The following POC5 variants were observed in gnomAD, a reference collection of about 807,000 sequenced individuals.
The protein encoded by POC5 is centrosomal protein POC5.
In POC5, 48 loss-of-function variants were observed where a neutral mutation model predicts 62.9. The observed-to-expected ratio is 0.76, with a 90% CI of 0.61 to 0.97. The LOEUF is 0.97. POC5 is among the 50% of genes least tolerant of loss of function. POC5 has a pLI of 0.00. For missense variants in POC5, 696 were observed against 679.5 expected (o/e 1.02, Z -0.27); for synonymous variants, 236 against 228.2 (o/e 1.03, Z -0.31).
In POC5 at chr5:75,683,912, C is replaced by T. The variant is rs149831530; in HGVS notation, c.1407+1295G>A. 1.0e-3 allele frequency among the ~76,000 whole-genome samples: 153 copies of T among 152,274 alleles called. 1 individual carries two copies. Among genetic ancestry groups the T allele is most frequent in the African/African-American group, 3.5e-3 (145 of 41,546 alleles). ...AAAGATGAGGTCTCGCTATATTGCC[C>T]AGCCTGGTCTCAAACTTCTGGCCTC... On this transcript the variant is annotated intron_variant, in intron 10 of 11. Transcript: ENST00000428202.
intron 10 of POC5, among the ~76,000 whole-genome samples, chr5:75,682,287 T>C (rs1326616570): frequency 3.3e-5 from 5 of 152,224 alleles, no homozygotes; most frequent in Admixed American, 3.3e-4. Context: ...GGTTTACATA[T>C]AAATGCAGAT....
In POC5 at chr5:75,690,482, C is replaced by T. The variant is rs2112117793; in HGVS notation, c.876G>A (p.Val292=). Residue 292 remains valine, a synonymous_variant, in exon 8 of 12, where the codon GTG becomes GTA. Coordinates refer to ENST00000428202, the MANE Select transcript of POC5 (RefSeq NM_001099271.2). ...KKVWKVWRSV[V]QKQWKDVVER... is the part of the protein sequence containing the mutation. ...CTACCACATCTTTCCACTGCTTTTG[C>T]ACTACGGAACGCCAGACTTTCCAGA... The T allele has an allele frequency of 6.2e-7, 1 of 1,609,420 alleles. No homozygotes were observed. The highest frequency in any genetic ancestry group is 8.5e-7 in the Non-Finnish European group (1 of 1,177,490).
At chr5:75,712,640 G>C (rs1348587127) in intron 2 of POC5, 1 of 720,142 alleles carries the variant, frequency 1.4e-6, no homozygotes, top group Non-Finnish European at 2.4e-6. Flanking sequence ...TTTGTACAGA[G>C]TGTATGAAGA....
intron 5 of POC5, 60 bp from the exon 6 acceptor site, chr5:75,694,891 T>C (rs954371003): frequency 1.7e-6 from 2 of 1,148,618 alleles, no homozygotes; most frequent in African/African-American, 3.2e-5. Flanking sequence ...TTCTTAAAAC[T>C]ACACTGAAAT....
At chr5:75,688,720 T>C (rs1396970706) in intron 9 of POC5, among the ~76,000 whole-genome samples, 4 of 152,220 alleles carry the variant, frequency 2.6e-5, no homozygotes, top group Non-Finnish European at 5.9e-5. Flanking sequence ...AATTCTTAGT[T>C]AAAAGAGATT....
chr5:75,696,827 T>C (rs1776619156), intron 5 of POC5, among the ~76,000 whole-genome samples: 1 of 151,280 alleles, frequency 6.6e-6, no homozygotes. Context: ...GAAGAATGTA[T>C]AACTAGAATA....
At chr5:75,706,208 C>A (rs1777113686) in intron 3 of POC5, among the ~76,000 whole-genome samples, 3 of 152,288 alleles carry the variant, frequency 2.0e-5, no homozygotes, top group African/African-American at 7.2e-5. Flanking sequence ...ACTTCAGGAA[C>A]CTGTAGTCAA....
At chr5:75,715,683 T>A (rs1437834207) in intron 1 of POC5, among the ~76,000 whole-genome samples, 4 of 152,198 alleles carry the variant, frequency 2.6e-5, no homozygotes, top group Non-Finnish European at 5.9e-5. Context: ...ATGCAATATT[T>A]TTATCATAAA....
At chr5:75,679,181 A>G (rs1365111485) in intron 10 of POC5, among the ~76,000 whole-genome samples, 3 of 152,130 alleles carry the variant, frequency 2.0e-5, no homozygotes, top group Non-Finnish European at 4.4e-5. Context: ...TAATCCTGTC[A>G]TTAATTTCCT....
chr5:75,693,293 A>C (rs933139801), intron 6 of POC5, among the ~76,000 whole-genome samples: 1 of 151,788 alleles, frequency 6.6e-6, no homozygotes, highest in Admixed American at 6.6e-5. Context: ...ATTCTCTCTT[A>C]TAAAAGAACT....
At chr5:75,696,871 G>A (rs1776621047) in intron 5 of POC5, among the ~76,000 whole-genome samples, 1 of 151,788 alleles carries the variant, frequency 6.6e-6, no homozygotes, top group Non-Finnish European at 1.5e-5. Flanking sequence ...GGAGCTGATG[G>A]AGCTGAAAAC....
In POC5 at chr5:75,685,316, G is replaced by A. The variant is rs1776056443; in HGVS notation, c.1298C>T (p.Pro433Leu). The change falls in exon 10 of 12, where the codon CCC (proline) becomes CTC (leucine). Residue 433 changes from proline (P) to leucine (L), a missense_variant. Transcript: ENST00000428202. Reference protein sequence around the residue: ...AVGGASATAVPSAASMTSTRA... With the variant: ...AVGGASATAVLSAASMTSTRA... ...GGTAGAAGTCATCGAAGCAGCTGAG[G>A]GAACGGCAGTCGCGCTGGCTCCTCC... 6.2e-7 allele frequency: 1 copy of A among 1,614,034 alleles called. No individual in the cohort carries two copies. The highest frequency in any genetic ancestry group is 1.3e-5 in the African/African-American group (1 of 75,050).
chr5:75,712,197 T>A (rs1475506918), intron 2 of POC5: 7 of 347,966 alleles, frequency 2.0e-5, no homozygotes, highest in Non-Finnish European at 2.8e-5. Context: ...TGCTTAGGCA[T>A]AAACAGCCTT....
Position 75,692,489 on chromosome 5 carries a change from GCTAGAAATCAC to G in POC5, c.691_701del (p.Val231LeufsTer34), listed in dbSNP as rs1215305008. The G allele has an allele frequency of 2.5e-6, 4 of 1,596,062 alleles. No individual in the cohort carries two copies. The South Asian group carries it at 4.5e-5, about 18-fold the overall frequency. On this transcript the variant is annotated frameshift_variant and splice_region_variant, in exon 7 of 12. Transcript: ENST00000428202. LOFTEE classifies it high-confidence loss of function. ...TTTGCTTGCCTATGGCATGAGACAA[GCTAGAAATCAC>G]CTGTAAACAGCAATTAACCCAATTA...
rs1561467777 is a variant in POC5 at position 75,690,463 on chromosome 5, C to T, written c.895G>A (p.Val299Met). ...RSVVQKQWKD[V>M]VERACQARAE... is the part of the protein sequence containing the mutation. Reference sequence around the variant, plus strand: ...CTTGCTTGACAAGCTCTTTCTACCACATCTTTCCACTGCTTTTGCACTACG... The same window carrying T: ...CTTGCTTGACAAGCTCTTTCTACCATATCTTTCCACTGCTTTTGCACTACG... Residue 299 changes from valine to methionine, a missense_variant, in exon 8 of 12, where the codon GTG becomes ATG. Coordinates refer to ENST00000428202, the MANE Select transcript of POC5 (RefSeq NM_001099271.2). The T allele has an allele frequency of 6.2e-6, 10 of 1,611,648 alleles. No individual in the cohort carries two copies. Among genetic ancestry groups the T allele is most frequent in the Non-Finnish European group, 8.5e-6 (10 of 1,178,820 alleles).
At position 75,712,931 on chromosome 5, in the gene POC5, A is replaced by G. The variant is rs1239982336; in HGVS notation, c.7T>C (p.Ser3Pro). MS[S>P]DEEKYSLPVV... ...GGAAGTGAGTATTTCTCCTCATCTG[A>G]TGACATTCTGCACAAATGCTCTAAA... Residue 3 changes from serine to proline, a missense_variant, in exon 2 of 12, where the codon TCA becomes CCA. Transcript: ENST00000428202. The G allele has an allele frequency of 3.7e-6, 6 of 1,610,616 alleles. No homozygotes were observed. The highest frequency in any genetic ancestry group is 2.2e-5 in the East Asian group (1 of 44,826).
chr5:75,681,011 TTAAAAAATGCTA>T (rs1354078727), intron 10 of POC5, among the ~76,000 whole-genome samples: 5 of 152,106 alleles, frequency 3.3e-5, no homozygotes, highest in African/African-American at 1.2e-4. Context: ...TTAGCTGACT[TTAAAAAATGCTA>T]TAAAAATAAA....
intron 5 of POC5, among the ~76,000 whole-genome samples, chr5:75,700,873 GA>G (rs1353264568): frequency 1.4e-5 from 2 of 138,146 alleles, no homozygotes; most frequent in African/African-American, 5.2e-5. Flanking sequence ...AAATTTACAA[GA>G]AAAAAGCAAA....
intron 2 of POC5, among the ~76,000 whole-genome samples, chr5:75,709,023 G>T (rs1580060810): frequency 2.0e-5 from 3 of 152,144 alleles, no homozygotes; most frequent in Admixed American, 2.0e-4. Context: ...AGTAGAGATG[G>T]GGTTTCACCA....
Sources: gnomAD v4.1 joint callset for allele counts (sites outside exome capture counted in the v4.1 genomes callset) on GRCh38, gnomAD v4.1.1 for gene constraint, MANE v1.5 for transcripts, NCBI Gene and HGNC (gene_info 2026-07-23, HGNC 2026-07-21) for gene names.